VTI1A: variants seen among roughly 807,000 people sequenced by gnomAD.
The protein encoded by VTI1A is vesicle transport through interaction with t-SNAREs 1A.
In VTI1A, 22 loss-of-function variants were observed where a neutral mutation model predicts 34.9. That is an observed-to-expected ratio of 0.63 (90% CI 0.45 to 0.90). The LOEUF is 0.90. Among genes scored for constraint, VTI1A ranks in the 40% least tolerant of loss-of-function variants. The pLI, the probability that VTI1A is intolerant of heterozygous loss-of-function variation, is 0.00. For missense variants in VTI1A, 268 were observed against 275.6 expected (o/e 0.97, Z 0.20); for synonymous variants, 87 against 97.3 (o/e 0.89, Z 0.62).
chr10:112,829,374 G>T, the VTI1A span, among the ~76,000 whole-genome samples: 1 of 151,068 alleles, frequency 6.6e-6, no homozygotes, highest in East Asian at 1.9e-4. Context: ...AACCCGGGAG[G>T]TGGAGCTTGC....
intron 7 of VTI1A, among the ~76,000 whole-genome samples, chr10:112,675,801 A>G (rs749942660): frequency 2.6e-5 from 4 of 152,198 alleles, no homozygotes; most frequent in Non-Finnish European, 4.4e-5. Flanking sequence ...CCAGAGGCAT[A>G]TGTCCCAGTA....
Position 112,815,886 on chromosome 10 carries a change from G to GTCATCA in VTI1A, c.*504_*509dup, listed in dbSNP as rs1166178801. 1 of 232,102 alleles carries GTCATCA rather than the reference G, an allele frequency of 4.3e-6. No individual in the cohort carries two copies. The highest frequency in any genetic ancestry group is 8.5e-6 in the Non-Finnish European group (1 of 117,456). The allele number at this position is 232,102 out of a possible 1,614,324, so 14.4% of individuals were successfully genotyped here. On this transcript the variant is annotated 3_prime_UTR_variant, in exon 8 of 8. Coordinates refer to ENST00000393077, the MANE Select transcript of VTI1A (RefSeq NM_145206.4). ...TTCCTACACAGGCCTCATGAATATA[G>GTCATCA]TCATCAACCTGCCTGAGTGCTTTCA...
chr10:112,768,355 G>A (rs995974769), intron 7 of VTI1A, among the ~76,000 whole-genome samples: 1 of 152,158 alleles, frequency 6.6e-6, no homozygotes, highest in Non-Finnish European at 1.5e-5. Context: ...AGTTGTCTCT[G>A]GAAGAAAGCA....
intron 7 of VTI1A, among the ~76,000 whole-genome samples, chr10:112,706,373 C>T (rs1849198994): frequency 6.6e-6 from 1 of 152,170 alleles, no homozygotes. Flanking sequence ...ACAAAATTAG[C>T]AGTAGCAGAA....
intron 7 of VTI1A, among the ~76,000 whole-genome samples, chr10:112,766,138 A>ACTAC: frequency 6.6e-6 from 1 of 152,182 alleles, no homozygotes; most frequent in Non-Finnish European, 1.5e-5. Flanking sequence ...TAGGTGTAGT[A>ACTAC]GCACGTGCTA....
intron 7 of VTI1A, among the ~76,000 whole-genome samples, chr10:112,791,978 T>C (rs1425965522): frequency 6.6e-6 from 1 of 152,122 alleles, no homozygotes; most frequent in East Asian, 1.9e-4. Context: ...ACCTTTCAAT[T>C]AAAAACTGTG....
At chr10:112,558,742 G>C (rs899820655) in intron 5 of VTI1A, among the ~76,000 whole-genome samples, 1 of 152,200 alleles carries the variant, frequency 6.6e-6, no homozygotes, top group Non-Finnish European at 1.5e-5. Flanking sequence ...TCAATTGAGA[G>C]ACACACACTC....
chr10:112,653,686 T>C (rs1169440034), intron 5 of VTI1A, among the ~76,000 whole-genome samples: 1 of 152,228 alleles, frequency 6.6e-6, no homozygotes, highest in Non-Finnish European at 1.5e-5. Flanking sequence ...AGTCAATAAA[T>C]AGTAGCCCAA....
chr10:112,482,676 G>A (rs1403303278), intron 3 of VTI1A, among the ~76,000 whole-genome samples: 2 of 152,066 alleles, frequency 1.3e-5, no homozygotes, highest in Admixed American at 1.3e-4. Context: ...AATTCAAAAT[G>A]CGAACTGTAT....
chr10:112,534,952 A>G (rs1210757778), intron 4 of VTI1A, among the ~76,000 whole-genome samples: 5 of 152,290 alleles, frequency 3.3e-5, no homozygotes, highest in East Asian at 1.9e-4. Flanking sequence ...AATTTAAGCA[A>G]TGAGTATTGT....
rs370350078 is a variant in VTI1A, at chr10:112,466,328, C to T, written c.264+1671C>T. On this transcript the variant is annotated intron_variant, in intron 3 of 7. Transcript: ENST00000393077. ...ATAGGGTGATTTGCAGTTATGCATG[C>T]TTGTTTTGTATGTGAATGGCTACTA... 5.1e-4 allele frequency among the ~76,000 whole-genome samples: 77 copies of T among 152,242 alleles called. 1 individual carries two copies. Among genetic ancestry groups the T allele is most frequent in the African/African-American group, 1.6e-3 (65 of 41,532 alleles).
intron 5 of VTI1A, among the ~76,000 whole-genome samples, chr10:112,620,060 C>G (rs1176825249): frequency 6.6e-6 from 1 of 152,178 alleles, no homozygotes; most frequent in East Asian, 1.9e-4. Flanking sequence ...GTCTGGAAAT[C>G]CTGGTGACAG....
chr10:112,527,025 G>A, intron 3 of VTI1A, 62 bp from the exon 4 acceptor site: 1 of 1,555,764 alleles, frequency 6.4e-7, no homozygotes, highest in Non-Finnish European at 8.8e-7. Flanking sequence ...TACCAATAAA[G>A]CTTGGAAGCT....
chr10:112,553,076 T>G (rs140176730), intron 5 of VTI1A, among the ~76,000 whole-genome samples: 33 of 152,364 alleles, frequency 2.2e-4, no homozygotes, highest in Middle Eastern at 3.4e-3. Context: ...TGGGACTTTG[T>G]GTCTTCTACA....
At chr10:112,486,819 T>C (rs979387571) in intron 3 of VTI1A, among the ~76,000 whole-genome samples, 1 of 152,012 alleles carries the variant, frequency 6.6e-6, no homozygotes, top group Non-Finnish European at 1.5e-5. Flanking sequence ...CATAAATCTT[T>C]TTTTTTTCCT....
intron 7 of VTI1A, among the ~76,000 whole-genome samples, chr10:112,798,058 GCT>G (rs34358729): frequency 0.75 from 113,816 of 151,870 alleles, 43,683 homozygotes; most frequent in South Asian, 0.84. Flanking sequence ...TAAACACCAG[GCT>G]CCAAAGCTTC....
intron 7 of VTI1A, among the ~76,000 whole-genome samples, chr10:112,700,258 T>A (rs1848964544): frequency 6.6e-6 from 1 of 152,138 alleles, no homozygotes; most frequent in African/African-American, 2.4e-5. Flanking sequence ...GTAGTGAGAT[T>A]GGATGTTACT....
chr10:112,799,658 T>C (rs1852805306), intron 7 of VTI1A, among the ~76,000 whole-genome samples: 1 of 152,110 alleles, frequency 6.6e-6, no homozygotes. Flanking sequence ...GGGGGCTCTG[T>C]TATCTGATCG....
intron 5 of VTI1A, among the ~76,000 whole-genome samples, chr10:112,584,063 C>A (rs569109463): frequency 1.3e-5 from 2 of 152,162 alleles, no homozygotes; most frequent in Non-Finnish European, 2.9e-5. Context: ...GGGGCAAATG[C>A]ACTGTATTCA....
Sources: gnomAD v4.1 joint callset for allele counts (sites outside exome capture counted in the v4.1 genomes callset) on GRCh38, gnomAD v4.1.1 for gene constraint, MANE v1.5 for transcripts, NCBI Gene and HGNC (gene_info 2026-07-23, HGNC 2026-07-21) for gene names.